Variants in NTRK3 observed in about 807,000 individuals in gnomAD.
NTRK3 encodes neurotrophic receptor tyrosine kinase 3.
A neutral mutation model predicts 91.7 loss-of-function variants in NTRK3; 24 were observed. The ratio of observed to expected loss-of-function variants is 0.26; its 90% CI spans 0.19 to 0.37. The LOEUF is 0.37. Among genes scored for constraint, NTRK3 ranks in the 10% least tolerant of loss-of-function variants. The pLI is 1.00. For missense variants in NTRK3, 880 were observed against 1,068.9 expected (o/e 0.82, Z 2.46); for synonymous variants, 483 against 404.0 (o/e 1.20, Z -2.34).
intron 5 of NTRK3, among the ~76,000 whole-genome samples, chr15:88,153,262 G>C (rs964332255): frequency 4.6e-5 from 7 of 151,650 alleles, no homozygotes; most frequent in Admixed American, 1.3e-4. Context: ...TTTTTTTTGA[G>C]ATGGAGTTTC....
intron 3 of NTRK3, among the ~76,000 whole-genome samples, chr15:88,215,637 C>T (rs1477102639): frequency 2.0e-5 from 3 of 152,182 alleles, no homozygotes; most frequent in Non-Finnish European, 1.5e-5. Context: ...GGGTCTAATG[C>T]TAGCAACACA....
intron 14 of NTRK3, among the ~76,000 whole-genome samples, chr15:87,961,392 G>A (rs1048358713): frequency 2.9e-4 from 44 of 152,318 alleles, no homozygotes; most frequent in African/African-American, 9.9e-4. Context: ...TAGCTATGTG[G>A]GTAGATTTCC....
Position 88,060,218 on chromosome 15 carries a change from T to TA in NTRK3, c.1397-27174dup, listed in dbSNP as rs71920920. ...CAACATGGTGAAACTCCATCTCTAC[T>TA]AAAAAAAATACAAAAATTAGCCAGG... On this transcript the variant is annotated intron_variant, in intron 13 of 18. Transcript: ENST00000394480. 9.8e-3 allele frequency among the ~76,000 whole-genome samples: 1,484 copies of TA among 151,172 alleles called. 6 individuals are homozygous for TA. Among genetic ancestry groups the TA allele is most frequent in the Non-Finnish European group, 0.015 (1,035 of 67,736 alleles).
In NTRK3 at chr15:88,034,209, C is replaced by T. The variant is rs559884634; in HGVS notation, c.1397-1164G>A. ...AGCCAAGTTTTACAAATGACAGTAA[C>T]GAAGCTGCATCATGATCTCCATACC... On this transcript the variant is annotated intron_variant, in intron 13 of 18. Transcript: ENST00000394480. 1.4e-4 allele frequency among the ~76,000 whole-genome samples: 21 copies of T among 152,278 alleles called. No homozygotes were observed. In the South Asian group the frequency reaches 2.1e-3, roughly 15 times the overall value.
chr15:88,126,860 T>C (rs1597459716), intron 12 of NTRK3, among the ~76,000 whole-genome samples: 1 of 152,152 alleles, frequency 6.6e-6, no homozygotes, highest in African/African-American at 2.4e-5. Context: ...CTTGAGCAAC[T>C]TGGCCTTTTG....
chr15:88,100,794 G>C (rs1405504365), intron 13 of NTRK3, among the ~76,000 whole-genome samples: 1 of 152,088 alleles, frequency 6.6e-6, no homozygotes, highest in African/African-American at 2.4e-5. Context: ...AAATGGTGCT[G>C]GGAAAACTGG....
At chr15:88,009,118 G>A (rs2076694460) in intron 14 of NTRK3, among the ~76,000 whole-genome samples, 1 of 152,188 alleles carries the variant, frequency 6.6e-6, no homozygotes, top group African/African-American at 2.4e-5. Context: ...TATAGCTAAA[G>A]AGGCAATGGA....
chr15:87,995,783 C>G (rs557497314), intron 14 of NTRK3, among the ~76,000 whole-genome samples: 122 of 152,294 alleles, frequency 8.0e-4, no homozygotes, highest in African/African-American at 2.9e-3. Context: ...TCTGTTGCAG[C>G]TACTCAACTC....
At chr15:87,909,867 G>T (rs899289177) in intron 17 of NTRK3, among the ~76,000 whole-genome samples, 1 of 152,204 alleles carries the variant, frequency 6.6e-6, no homozygotes, top group Non-Finnish European at 1.5e-5. Context: ...CAAAGAGCGA[G>T]GCCTCTGAAT....
In NTRK3 at chr15:88,033,210, A is replaced by ATATATATATATATATATATG. The variant is rs1301860999; in HGVS notation, c.1397-166_1397-165insCATATATATATATATATATA. 3.2e-4 allele frequency among the ~76,000 whole-genome samples: 39 copies of ATATATATATATATATATATG among 121,296 alleles called. 1 individual carries two copies. The highest frequency in any genetic ancestry group is 1.2e-3 in the African/African-American group (35 of 28,590). 79.6% of individuals were successfully genotyped at this position (121,296 alleles called of 152,430 possible). A position where few individuals can be genotyped will look rare whatever the true frequency, so the allele number is the denominator to read the frequency against. Reference sequence around the variant, plus strand: ...TATATATATATATATATATATATATATATATAAATTCAGTTGTTTGGGTTT... The same window carrying ATATATATATATATATATATG: ...TATATATATATATATATATATATATATATATATATATATATATATGTATATAAATTCAGTTGTTTGGGTTT... On this transcript the variant is annotated intron_variant, in intron 13 of 18. Coordinates refer to ENST00000394480, the Ensembl canonical transcript of NTRK3.
chr15:88,123,181 C>T (rs2052917447), intron 13 of NTRK3, among the ~76,000 whole-genome samples: 2 of 152,074 alleles, frequency 1.3e-5, no homozygotes, highest in African/African-American at 2.4e-5. Context: ...TTTTTATATG[C>T]CAGTTACACA....
At chr15:88,070,823 C>T (rs974681469) in intron 13 of NTRK3, among the ~76,000 whole-genome samples, 5 of 152,048 alleles carry the variant, frequency 3.3e-5, no homozygotes, top group Non-Finnish European at 7.4e-5. Flanking sequence ...CAACAAGGGG[C>T]CTCAGGACCA....
At chr15:88,096,064 G>C (rs1000796996) in intron 13 of NTRK3, among the ~76,000 whole-genome samples, 1 of 152,022 alleles carries the variant, frequency 6.6e-6, no homozygotes. Flanking sequence ...ATAATTTTAG[G>C]TGGTGACCTC....
In NTRK3 at chr15:87,923,966, T is replaced by C. The variant is rs140676458; in HGVS notation, c.2133+5225A>G. Among the ~76,000 whole-genome samples, 119 of 152,272 alleles carry C rather than the reference T, an allele frequency of 7.8e-4. 1 individual carries two copies. The East Asian group carries it at 0.019, about 24-fold the overall frequency. ...CCCCTCGATCTTGAACTGCCTAGCC[T>C]CCAGAACCATAAGAAATAAATCTCT... On this transcript the variant is annotated intron_variant, in intron 17 of 18. Coordinates refer to ENST00000394480, the Ensembl canonical transcript of NTRK3.
intron 14 of NTRK3, among the ~76,000 whole-genome samples, chr15:87,988,118 G>C (rs2074990229): frequency 6.6e-6 from 1 of 152,150 alleles, no homozygotes. Context: ...AGGTAATGAG[G>C]GTTAGCATCA....
chr15:87,883,152 A>G (rs1263097853), intron 17 of NTRK3, among the ~76,000 whole-genome samples: 2 of 151,148 alleles, frequency 1.3e-5, no homozygotes, highest in African/African-American at 4.8e-5. Context: ...TATATAGCCA[A>G]TTACATTTCT....
intron 3 of NTRK3, among the ~76,000 whole-genome samples, chr15:88,198,396 AGAAT>A (rs932344792): frequency 6.6e-6 from 1 of 152,166 alleles, no homozygotes; most frequent in African/African-American, 2.4e-5. Flanking sequence ...CTGGGTACTC[AGAAT>A]GTCAGTGGAG....
At chr15:88,229,980 G>A (rs1156981960) in intron 3 of NTRK3, among the ~76,000 whole-genome samples, 1 of 152,202 alleles carries the variant, frequency 6.6e-6, no homozygotes, top group Non-Finnish European at 1.5e-5. Flanking sequence ...GATGTAGGTT[G>A]GACAAAGAGT....
At chr15:88,128,626 A>G in intron 11 of NTRK3, 85 bp downstream of exon 11, 1 of 1,388,734 alleles carries the variant, frequency 7.2e-7, no homozygotes, top group East Asian at 2.3e-5. Context: ...ATGATGTGGA[A>G]TAGGAGAGAG....
Sources: allele counts gnomAD v4.1 joint callset (sites outside exome capture counted in the v4.1 genomes callset), GRCh38; gene constraint gnomAD v4.1.1; transcripts MANE v1.5; gene names NCBI Gene and HGNC (gene_info 2026-07-23, HGNC 2026-07-21).